Variants in FSTL5 observed in about 807,000 individuals in gnomAD.
FSTL5 encodes follistatin-related protein 5.
Under a neutral mutation model 89.1 loss-of-function variants are expected in FSTL5, and 62 were observed. That is an observed-to-expected ratio of 0.70 (90% CI 0.57 to 0.86). The LOEUF (loss-of-function observed/expected upper bound fraction) is 0.86, where lower values mean the gene tolerates loss of function less well. Ranked by LOEUF, FSTL5 falls within the 40% of genes least tolerant of loss-of-function variation. The pLI is 0.00. For missense variants in FSTL5, 1,057 were observed against 1,001.6 expected (o/e 1.06, Z -0.75); for synonymous variants, 383 against 346.2 (o/e 1.11, Z -1.18).
chr4:161,998,360 T>C (rs1736362026), intron 3 of FSTL5, among the ~76,000 whole-genome samples: 1 of 152,146 alleles, frequency 6.6e-6, no homozygotes, highest in Non-Finnish European at 1.5e-5. Context: ...AAAAAGATAG[T>C]ACCCCTATCT....
chr4:161,500,182 A>G (rs1560925394), intron 11 of FSTL5, 48 bp from the exon 12 acceptor site: 5 of 1,226,636 alleles, frequency 4.1e-6, no homozygotes, highest in African/African-American at 1.5e-5. Flanking sequence ...ATTATCATAA[A>G]CCTTTACAAC....
At chr4:161,561,202 G>GATAC (rs1732587277) in intron 8 of FSTL5, among the ~76,000 whole-genome samples, 1 of 145,276 alleles carries the variant, frequency 6.9e-6, no homozygotes, top group African/African-American at 2.5e-5. Flanking sequence ...ATGATAGATA[G>GATAC]ATAGATAGAT....
At position 161,776,028 on chromosome 4, in the gene FSTL5, T is replaced by C. The variant is rs762607114; in HGVS notation, c.456A>G (p.Leu152=). 1 of 1,591,032 alleles carries C rather than the reference T, an allele frequency of 6.3e-7. No homozygotes were observed. The highest frequency in any genetic ancestry group is 8.6e-7 in the Non-Finnish European group (1 of 1,163,388). Reference sequence around the variant, plus strand: ...TATATTTTTGATTTTGTAAATCTAATAGCATATTTTTCATCTTGCTGTATT... The same window carrying C: ...TATATTTTTGATTTTGTAAATCTAACAGCATATTTTTCATCTTGCTGTATT... ...TTEYSKMKNM[L]LDLQNQKYIM... is the part of the protein sequence containing the mutation. Residue 152 remains leucine, a synonymous_variant, in exon 5 of 16, where the codon CTA becomes CTG. Transcript: ENST00000306100.
chr4:161,542,893 G>A (rs958192350), intron 8 of FSTL5, among the ~76,000 whole-genome samples, 200 bp from the exon 9 acceptor site: 2 of 151,922 alleles, frequency 1.3e-5, no homozygotes, highest in Admixed American at 6.6e-5. Context: ...CTGGGATTTT[G>A]CTAGGGAAAA....
intron 6 of FSTL5, among the ~76,000 whole-genome samples, chr4:161,745,680 C>T (rs547070565): frequency 6.6e-6 from 1 of 151,658 alleles, no homozygotes; most frequent in Non-Finnish European, 1.5e-5. Flanking sequence ...AAAAAAAAAT[C>T]ACTCATTGTA....
chr4:162,065,561 T>A (rs1578998858), intron 2 of FSTL5, among the ~76,000 whole-genome samples: 1 of 151,986 alleles, frequency 6.6e-6, no homozygotes, highest in South Asian at 2.1e-4. Context: ...GGTAACACAT[T>A]TGCAAGGGTA....
At chr4:161,666,588 GTT>G (rs1560779042) in intron 6 of FSTL5, among the ~76,000 whole-genome samples, 2 of 152,086 alleles carry the variant, frequency 1.3e-5, no homozygotes, top group Non-Finnish European at 2.9e-5. Context: ...GAGTTTAGCT[GTT>G]ATAAAGCGAT....
intron 2 of FSTL5, among the ~76,000 whole-genome samples, chr4:162,068,695 C>T (rs889197633): frequency 7.9e-5 from 12 of 152,014 alleles, no homozygotes; most frequent in South Asian, 4.1e-4. Flanking sequence ...CAAAAATTGG[C>T]GAATGGGATC....
At chr4:161,497,999 C>T (rs991408523) in intron 12 of FSTL5, among the ~76,000 whole-genome samples, 2 of 151,580 alleles carry the variant, frequency 1.3e-5, no homozygotes, top group Middle Eastern at 3.4e-3. Context: ...TCTATGTATG[C>T]ATACATAAAC....
At chr4:161,916,121 T>C (rs1219405481) in intron 4 of FSTL5, among the ~76,000 whole-genome samples, 1 of 152,182 alleles carries the variant, frequency 6.6e-6, no homozygotes, top group African/African-American at 2.4e-5. Flanking sequence ...TCAGATTTCA[T>C]GCTAACAGTG....
At chr4:161,632,708 TTACATATTCTTATGAAA>T (rs1735543339) in intron 7 of FSTL5, among the ~76,000 whole-genome samples, 1 of 152,196 alleles carries the variant, frequency 6.6e-6, no homozygotes, top group Non-Finnish European at 1.5e-5. Context: ...AAGGTGAATA[TTACATATTCTTATGAAA>T]TATGTATTGG....
At chr4:161,593,170 A>T (rs1733890101) in intron 7 of FSTL5, among the ~76,000 whole-genome samples, 1 of 152,036 alleles carries the variant, frequency 6.6e-6, no homozygotes, top group African/African-American at 2.4e-5. Flanking sequence ...TCTTCACTTC[A>T]TTTTTGTAAA....
rs181456814 is a variant in FSTL5 at position 161,516,603 on chromosome 4, T to C, written c.1313-6179A>G. On this transcript the variant is annotated intron_variant, in intron 10 of 15. Transcript: ENST00000306100. The stretch of plus-strand genomic sequence containing the variant: ...ATTTTATATAATAAATTATATATTT[T>C]ATATAATAAATTATATATTTTATAT... 1.4e-3 allele frequency among the ~76,000 whole-genome samples: 13 copies of C among 9,298 alleles called. 1 individual carries two copies. The highest frequency in any genetic ancestry group is 2.8e-3 in the African/African-American group (13 of 4,640). The allele number at this position is 9,298 out of a possible 152,430, so 6.1% of individuals were successfully genotyped here.
chr4:161,983,344 A>C (rs1030016042), intron 3 of FSTL5, among the ~76,000 whole-genome samples: 2 of 152,126 alleles, frequency 1.3e-5, no homozygotes, highest in African/African-American at 4.8e-5. Context: ...AAGACAGCAA[A>C]ATTTGCATGT....
chr4:162,054,825 C>G (rs538709241), intron 2 of FSTL5, among the ~76,000 whole-genome samples: 1 of 151,880 alleles, frequency 6.6e-6, no homozygotes, highest in Non-Finnish European at 1.5e-5. Flanking sequence ...GTACCTGTAT[C>G]CCAGTTCCTC....
chr4:161,785,201 T>C (rs1412210830), intron 4 of FSTL5, among the ~76,000 whole-genome samples: 1 of 152,126 alleles, frequency 6.6e-6, no homozygotes, highest in Non-Finnish European at 1.5e-5. Context: ...ATTTAAAAGT[T>C]TCACATGAGG....
At chr4:161,422,231 A>C in intron 15 of FSTL5, among the ~76,000 whole-genome samples, 1 of 152,004 alleles carries the variant, frequency 6.6e-6, no homozygotes, top group East Asian at 1.9e-4. Flanking sequence ...AATATCTATA[A>C]ATTTCTGTTG....
At chr4:161,532,034 C>A (rs1415231369) in intron 10 of FSTL5, among the ~76,000 whole-genome samples, 1 of 151,788 alleles carries the variant, frequency 6.6e-6, no homozygotes, top group Non-Finnish European at 1.5e-5. Flanking sequence ...GAAACCCCGT[C>A]TCTACTAAAA....
At chr4:162,094,420 G>A (rs2111366049) in intron 2 of FSTL5, among the ~76,000 whole-genome samples, 1 of 152,036 alleles carries the variant, frequency 6.6e-6, no homozygotes, top group Admixed American at 6.6e-5. Flanking sequence ...CCCAACAGAA[G>A]GCATACACGA....
Sources: gnomAD v4.1 joint callset for allele counts (sites outside exome capture counted in the v4.1 genomes callset) on GRCh38, gnomAD v4.1.1 for gene constraint, MANE v1.5 for transcripts, NCBI Gene and HGNC (gene_info 2026-07-23, HGNC 2026-07-21) for gene names.